Variants in CAMTA1 observed in about 807,000 individuals in gnomAD.
The protein encoded by CAMTA1 is calmodulin-binding transcription activator 1.
In CAMTA1, 27 loss-of-function variants were observed where a neutral mutation model predicts 170.9. That is an observed-to-expected ratio of 0.16 (90% CI 0.12 to 0.22). The LOEUF is 0.22. CAMTA1 is among the 10% of genes least tolerant of loss of function. The probability of loss-of-function intolerance (pLI) is 1.00; values close to 1 mark genes in which losing one functional copy is unlikely to be tolerated. For synonymous variants in CAMTA1, 833 were observed against 891.5 expected (o/e 0.93, Z 1.17); for missense variants, 1,619 against 2,217.2 (o/e 0.73, Z 5.42).
At chr1:7,733,695 C>A (rs1169038014) in intron 12 of CAMTA1, among the ~76,000 whole-genome samples, 1 of 152,066 alleles carries the variant, frequency 6.6e-6, no homozygotes, top group Non-Finnish European at 1.5e-5. Context: ...AATAATGCCC[C>A]CTCTTTCTCT....
Position 7,012,130 on chromosome 1 carries a change from G to A in CAMTA1, c.235-79174G>A, listed in dbSNP as rs535520957. Among the ~76,000 whole-genome samples, 4 of 152,276 alleles carry A rather than the reference G, an allele frequency of 2.6e-5. No individual in the cohort carries two copies. The South Asian group carries it at 8.3e-4, about 32-fold the overall frequency. On this transcript the variant is annotated intron_variant, in intron 3 of 22. Coordinates refer to ENST00000303635, the MANE Select transcript of CAMTA1 (RefSeq NM_015215.4). ...GAGAGACACCTGCGGGTGTGCTGAT[G>A]TCACGGTTCAAGTTTTTAACCTCAT...
At chr1:6,832,927 T>TG (rs1651039159) in intron 3 of CAMTA1, among the ~76,000 whole-genome samples, 1 of 152,222 alleles carries the variant, frequency 6.6e-6, no homozygotes, top group South Asian at 2.1e-4. Context: ...TTCCTCTGTT[T>TG]GCTTTGCTAG....
rs1642248672 is a variant in CAMTA1, at chr1:7,097,781, G to A, written c.302+6410G>A. 2.0e-5 allele frequency among the ~76,000 whole-genome samples: 3 copies of A among 152,220 alleles called. No homozygotes were observed. The South Asian group carries it at 6.2e-4, about 32-fold the overall frequency. ...AGAGCCACACATTGTGTGATGTGCTGACTGAGGGATCTAGAATAGTCAGCT... is the reference window on the plus strand; with the variant it reads ...AGAGCCACACATTGTGTGATGTGCTAACTGAGGGATCTAGAATAGTCAGCT... On this transcript the variant is annotated intron_variant, in intron 4 of 22. Transcript: ENST00000303635.
chr1:7,198,619 G>A (rs753573897), intron 4 of CAMTA1, among the ~76,000 whole-genome samples: 25 of 152,152 alleles, frequency 1.6e-4, no homozygotes, highest in Admixed American at 6.5e-4. Context: ...GCCACGCTGC[G>A]CTGGCTTCTT....
At chr1:7,610,178 C>G (rs2095514351) in intron 6 of CAMTA1, among the ~76,000 whole-genome samples, 1 of 152,202 alleles carries the variant, frequency 6.6e-6, no homozygotes, top group South Asian at 2.1e-4. Context: ...TGGCAGCAGC[C>G]AAACATGACC....
intron 4 of CAMTA1, among the ~76,000 whole-genome samples, chr1:7,152,897 C>G (rs1646659591): frequency 6.6e-6 from 1 of 152,214 alleles, no homozygotes; most frequent in African/African-American, 2.4e-5. Context: ...TCGATTTTGA[C>G]ATTTTGATAA....
chr1:7,768,094 CA>C lies in CAMTA1; in HGVS notation c.*1606del, dbSNP rs1171032010. 1.7e-5 allele frequency: 2 copies of C among 120,208 alleles called. No homozygotes were observed. Among genetic ancestry groups the C allele is most frequent in the African/African-American group, 6.5e-5 (2 of 30,868 alleles). 7.4% of individuals were successfully genotyped at this position (120,208 alleles called of 1,614,324 possible). The stretch of plus-strand genomic sequence containing the variant: ...GCTTAACACCATCCACTCACTCCAA[CA>C]AAGAACACTTAGAATGATAAAAAAA... On this transcript the variant is annotated 3_prime_UTR_variant, in exon 23 of 23. Transcript: ENST00000303635.
At chr1:6,868,698 G>C (rs1407773678) in intron 3 of CAMTA1, among the ~76,000 whole-genome samples, 1 of 152,134 alleles carries the variant, frequency 6.6e-6, no homozygotes, top group South Asian at 2.1e-4. Flanking sequence ...TGTTGGAAAA[G>C]GTATCCCTAT....
chr1:7,250,493 G>A (rs1344275952), intron 5 of CAMTA1, among the ~76,000 whole-genome samples: 5 of 152,186 alleles, frequency 3.3e-5, no homozygotes, highest in African/African-American at 9.6e-5. Context: ...TATTTCGAAC[G>A]GGTCAAAGAG....
intron 4 of CAMTA1, among the ~76,000 whole-genome samples, chr1:7,227,840 C>T (rs1297692600): frequency 6.7e-6 from 1 of 148,758 alleles, no homozygotes; most frequent in Non-Finnish European, 1.5e-5. Flanking sequence ...TAGCCCCTCC[C>T]CTCCCCAGGA....
At chr1:7,075,534 A>G (rs1320205748) in intron 3 of CAMTA1, among the ~76,000 whole-genome samples, 1 of 152,108 alleles carries the variant, frequency 6.6e-6, no homozygotes, top group African/African-American at 2.4e-5. Context: ...ACAGCAGCCC[A>G]TCGCTCCCTT....
In CAMTA1 at chr1:7,012,071, C is replaced by T. The variant is rs1557968997; in HGVS notation, c.235-79233C>T. Among the ~76,000 whole-genome samples the T allele has an allele frequency of 2.6e-5, 4 of 152,268 alleles. No individual in the cohort carries two copies. The South Asian group carries it at 8.3e-4, about 32-fold the overall frequency. On this transcript the variant is annotated intron_variant, in intron 3 of 22. Transcript: ENST00000303635. ...ACCACAATGCTGGGGAAACCCAGCC[C>T]TTGCCTTGCCCCTTGTCCATACCTG...
intron 5 of CAMTA1, among the ~76,000 whole-genome samples, chr1:7,365,170 A>G (rs2085866868): frequency 6.6e-6 from 1 of 152,240 alleles, no homozygotes; most frequent in African/African-American, 2.4e-5. Flanking sequence ...GGGAGGCCCC[A>G]GTGGACGCTG....
intron 5 of CAMTA1, among the ~76,000 whole-genome samples, chr1:7,250,391 T>C (rs1346837411): frequency 6.6e-6 from 1 of 152,206 alleles, no homozygotes; most frequent in African/African-American, 2.4e-5. Context: ...TTCCCTGCGT[T>C]CCTAACTGGT....
chr1:6,869,946 A>C (rs1667901745), intron 3 of CAMTA1, among the ~76,000 whole-genome samples: 1 of 152,176 alleles, frequency 6.6e-6, no homozygotes, highest in Non-Finnish European at 1.5e-5. Context: ...ATGATTTAGA[A>C]GACTTTAAAA....
chr1:6,994,875 T>G (rs1696951534), intron 3 of CAMTA1, among the ~76,000 whole-genome samples: 1 of 151,856 alleles, frequency 6.6e-6, no homozygotes, highest in Admixed American at 6.6e-5. Flanking sequence ...GCCATGTTGG[T>G]CAGGCTGGTC....
chr1:7,043,042 G>A (rs1704723964), intron 3 of CAMTA1, among the ~76,000 whole-genome samples: 1 of 152,324 alleles, frequency 6.6e-6, no homozygotes, highest in East Asian at 1.9e-4. Context: ...GTGCTCTGGG[G>A]CATGGACACG....
intron 6 of CAMTA1, among the ~76,000 whole-genome samples, chr1:7,545,874 C>G (rs1192138883): frequency 2.7e-5 from 4 of 146,702 alleles, no homozygotes; most frequent in Admixed American, 1.4e-4. Flanking sequence ...TGTGTGTTGT[C>G]CCCCCGGACA....
At chr1:7,362,471 G>A (rs1470948291) in intron 5 of CAMTA1, among the ~76,000 whole-genome samples, 1 of 152,074 alleles carries the variant, frequency 6.6e-6, no homozygotes, top group African/African-American at 2.4e-5. Flanking sequence ...CTTGAATAGA[G>A]TTAGTGGACT....
Sources: allele counts gnomAD v4.1 joint callset (sites outside exome capture counted in the v4.1 genomes callset), GRCh38; gene constraint gnomAD v4.1.1; transcripts MANE v1.5; gene names NCBI Gene and HGNC (gene_info 2026-07-23, HGNC 2026-07-21).